Variants in CCDC178 observed in about 807,000 individuals in gnomAD.
CCDC178 encodes the protein coiled-coil domain containing 178.
CCDC178 carries 126 observed loss-of-function variants against 117.4 expected under a neutral mutation model. That is an observed-to-expected ratio of 1.07 (90% CI 0.93 to 1.24). The LOEUF is 1.24. Among genes scored for constraint, CCDC178 ranks in the 50% most tolerant of loss-of-function variants. CCDC178 has a pLI of 0.00. For synonymous variants in CCDC178, 283 were observed against 313.4 expected (o/e 0.90, Z 1.02); for missense variants, 1,030 against 986.9 (o/e 1.04, Z -0.59).
chr18:33,067,117 A>G (rs2057030604), intron 21 of CCDC178, among the ~76,000 whole-genome samples: 1 of 152,238 alleles, frequency 6.6e-6, no homozygotes, highest in African/African-American at 2.4e-5. Flanking sequence ...AAAAAATGTC[A>G]CAACAAATTT....
chr18:33,094,988 A>G (rs539224012), intron 20 of CCDC178, among the ~76,000 whole-genome samples: 4 of 152,158 alleles, frequency 2.6e-5, no homozygotes, highest in Non-Finnish European at 5.9e-5. Flanking sequence ...GTTTAAGTTT[A>G]ATTGAGAGTC....
chr18:33,168,573 T>G (rs2058561209), intron 20 of CCDC178, among the ~76,000 whole-genome samples: 2 of 152,190 alleles, frequency 1.3e-5, no homozygotes, highest in South Asian at 4.1e-4. Flanking sequence ...AAAAATAAAT[T>G]TTTAAAATCC....
At chr18:33,429,577 T>C (rs752206986) in intron 2 of CCDC178, among the ~76,000 whole-genome samples, 30 of 152,212 alleles carry the variant, frequency 2.0e-4, no homozygotes, top group Non-Finnish European at 3.7e-4. Flanking sequence ...TATTAAATCC[T>C]ATAAGGGATA....
intron 21 of CCDC178, among the ~76,000 whole-genome samples, chr18:33,032,663 G>T (rs1295980813): frequency 6.6e-6 from 1 of 152,008 alleles, no homozygotes; most frequent in African/African-American, 2.4e-5. Context: ...TGAGAAGGAT[G>T]GATTTTTCAA....
At chr18:32,986,567 T>C (rs2055268349) in intron 21 of CCDC178, among the ~76,000 whole-genome samples, 1 of 152,100 alleles carries the variant, frequency 6.6e-6, no homozygotes, top group Non-Finnish European at 1.5e-5. Context: ...TAAAGAGATA[T>C]TTTAGATAAA....
chr18:33,006,002 G>C (rs1289913116), intron 21 of CCDC178, among the ~76,000 whole-genome samples: 1 of 151,946 alleles, frequency 6.6e-6, no homozygotes, highest in Non-Finnish European at 1.5e-5. Flanking sequence ...TTAAAAAGGA[G>C]AAATAAATAA....
chr18:33,134,413 T>C (rs1200741972), intron 20 of CCDC178, among the ~76,000 whole-genome samples: 1 of 152,032 alleles, frequency 6.6e-6, no homozygotes, highest in African/African-American at 2.4e-5. Flanking sequence ...ATTACAAGCT[T>C]GCATCCCAAA....
rs9957421 is a variant in CCDC178, at chr18:33,054,763, T to C, written c.2388+37998A>G. Among the ~76,000 whole-genome samples the C allele has an allele frequency of 4.4e-3, 666 of 152,332 alleles. 5 individuals carry two copies. Among genetic ancestry groups the C allele is most frequent in the African/African-American group, 0.015 (635 of 41,576 alleles). On this transcript the variant is annotated intron_variant, in intron 21 of 22. Coordinates refer to ENST00000383096, the MANE Select transcript of CCDC178 (RefSeq NM_001105528.4). Reference sequence around the variant, plus strand: ...GCATGCATCTTTATAATAGAATGATTTATATTCCTTTGGGTACATACCCAG... The same window carrying C: ...GCATGCATCTTTATAATAGAATGATCTATATTCCTTTGGGTACATACCCAG...
chr18:33,030,817 G>C (rs2056327374), intron 21 of CCDC178, among the ~76,000 whole-genome samples: 1 of 152,150 alleles, frequency 6.6e-6, no homozygotes, highest in Admixed American at 6.6e-5. Context: ...AGATATGAGA[G>C]AGAGAATTTA....
intron 4 of CCDC178, among the ~76,000 whole-genome samples, chr18:33,393,182 G>A (rs567187272): frequency 2.6e-5 from 4 of 152,000 alleles, no homozygotes; most frequent in Admixed American, 2.0e-4. Flanking sequence ...TTATACCTAT[G>A]AGAATATTTC....
intron 22 of CCDC178, chr18:32,956,622 T>C (rs531783422): frequency 6.6e-6 from 1 of 152,136 alleles, no homozygotes; most frequent in Non-Finnish European, 1.5e-5. Flanking sequence ...CCTAACAAAA[T>C]CTTCTTTCCA....
intron 21 of CCDC178, among the ~76,000 whole-genome samples, chr18:32,998,139 G>A (rs1416303664): frequency 6.6e-6 from 1 of 152,250 alleles, no homozygotes; most frequent in Non-Finnish European, 1.5e-5. Context: ...CAGCAGCCAT[G>A]TGGTGAAGAG....
At chr18:33,107,242 A>T (rs2057719471) in intron 20 of CCDC178, among the ~76,000 whole-genome samples, 2 of 151,766 alleles carry the variant, frequency 1.3e-5, no homozygotes, top group African/African-American at 4.8e-5. Flanking sequence ...TATAAAATTA[A>T]TAAGATATTA....
chr18:33,149,544 C>T (rs969894766), intron 20 of CCDC178, among the ~76,000 whole-genome samples: 4 of 152,186 alleles, frequency 2.6e-5, no homozygotes, highest in East Asian at 3.8e-4. Context: ...ATCAGAGATA[C>T]TCTGACCTTT....
chr18:33,089,726 A>G (rs918915604), intron 21 of CCDC178, among the ~76,000 whole-genome samples: 7 of 152,226 alleles, frequency 4.6e-5, no homozygotes, highest in African/African-American at 9.6e-5. Flanking sequence ...CTGGGGTGGC[A>G]ATTAAAACAA....
At chr18:33,187,097 GAGAGA>G (rs2058804164) in intron 20 of CCDC178, among the ~76,000 whole-genome samples, 1 of 150,940 alleles carries the variant, frequency 6.6e-6, no homozygotes, top group Non-Finnish European at 1.5e-5. Context: ...GAGAGAGAGA[GAGAGA>G]GAGAGAGAGA....
chr18:33,249,628 T>C (rs2059593646), intron 14 of CCDC178, among the ~76,000 whole-genome samples: 1 of 152,110 alleles, frequency 6.6e-6, no homozygotes, highest in African/African-American at 2.4e-5. Flanking sequence ...TTCAGCTCTA[T>C]CTCTGTTTTG....
chr18:33,259,611 C>T (rs1046883456), intron 14 of CCDC178, among the ~76,000 whole-genome samples: 1 of 152,046 alleles, frequency 6.6e-6, no homozygotes, highest in South Asian at 2.1e-4. Flanking sequence ...CTCACTATCA[C>T]GAGAACAGCA....
intron 11 of CCDC178, among the ~76,000 whole-genome samples, chr18:33,294,799 A>T (rs1338651156): frequency 6.6e-6 from 1 of 152,158 alleles, no homozygotes; most frequent in Admixed American, 6.5e-5. Context: ...CAGTCCAGAG[A>T]ATACACTATG....
Sources: gnomAD v4.1 joint callset for allele counts (sites outside exome capture counted in the v4.1 genomes callset) on GRCh38, gnomAD v4.1.1 for gene constraint, MANE v1.5 for transcripts, NCBI Gene and HGNC (gene_info 2026-07-23, HGNC 2026-07-21) for gene names.